CD36: variants seen among roughly 807,000 people sequenced by gnomAD.
CD36 encodes the protein platelet glycoprotein 4.
In CD36, 119 loss-of-function variants were observed where a neutral mutation model predicts 55.2. The observed-to-expected ratio is 2.15, with a 90% CI of 1.86 to 2.51. The LOEUF is 2.51. Among genes scored for constraint, CD36 ranks in the 30% most tolerant of loss-of-function variants. The probability of loss-of-function intolerance (pLI) is 0.00; values close to 1 mark genes in which losing one functional copy is unlikely to be tolerated. For missense variants in CD36, 819 were observed against 555.5 expected (o/e 1.47, Z -4.77); for synonymous variants, 186 against 193.6 (o/e 0.96, Z 0.33).
intron 1 of CD36, among the ~76,000 whole-genome samples, chr7:80,632,168 AATT>A (rs1294291491): frequency 6.6e-6 from 1 of 151,762 alleles, no homozygotes; most frequent in Non-Finnish European, 1.5e-5. Flanking sequence ...ATTCCTTTGA[AATT>A]ATTAGCAGAA....
Position 80,612,300 on chromosome 7 carries a change from A to G in CD36, c.-184+9921A>G, listed in dbSNP as rs139957195. On this transcript the variant is annotated intron_variant, in intron 1 of 13. Coordinates refer to the CD36 transcript ENST00000309881. ...CTAGCAACCTGAAAAATCACAGGAG[A>G]TCAGTCCCTGTATAAAAATGATAAT... Among the ~76,000 whole-genome samples, 1,073 of 152,346 alleles carry G rather than the reference A, an allele frequency of 7.0e-3. 19 individuals are homozygous for G. The highest frequency in any genetic ancestry group is 0.024 in the African/African-American group (1,001 of 41,582).
chr7:80,636,501 C>A (rs1794413694), upstream of CD36, among the ~76,000 whole-genome samples: 1 of 146,180 alleles, frequency 6.8e-6, no homozygotes, highest in Non-Finnish European at 1.5e-5. Context: ...AACTTACATC[C>A]TTCCAATTTC....
chr7:80,622,497 A>C (rs1387216259), intron 1 of CD36, among the ~76,000 whole-genome samples: 1 of 152,258 alleles, frequency 6.6e-6, no homozygotes, highest in Admixed American at 6.5e-5. Context: ...AAAAGAGATA[A>C]AAAGTGGACA....
At chr7:80,660,861 T>A (rs1314689373) in intron 4 of CD36, among the ~76,000 whole-genome samples, 1 of 152,200 alleles carries the variant, frequency 6.6e-6, no homozygotes, top group East Asian at 1.9e-4. Flanking sequence ...ACTATTTTAA[T>A]TTCCAGTTTG....
chr7:80,632,775 C>T (rs1794160123), intron 1 of CD36, among the ~76,000 whole-genome samples: 1 of 151,892 alleles, frequency 6.6e-6, no homozygotes, highest in Non-Finnish European at 1.5e-5. Context: ...TTTCTCTGAA[C>T]CTTCTCAAAA....
At chr7:80,647,681 A>T (rs1795275551) in intron 3 of CD36, among the ~76,000 whole-genome samples, 1 of 152,196 alleles carries the variant, frequency 6.6e-6, no homozygotes, top group South Asian at 2.1e-4. Context: ...AAATGGCTGC[A>T]GGAGTTTGGA....
intron 1 of CD36, among the ~76,000 whole-genome samples, chr7:80,603,575 G>A (rs1461427512): frequency 6.6e-6 from 1 of 152,012 alleles, no homozygotes; most frequent in Non-Finnish European, 1.5e-5. Flanking sequence ...ATCCTGACAA[G>A]AGGAAAGGAA....
intron 1 of CD36, among the ~76,000 whole-genome samples, chr7:80,618,059 T>C (rs968140687): frequency 6.6e-6 from 1 of 152,294 alleles, no homozygotes; most frequent in South Asian, 2.1e-4. Context: ...TAAATGCTTT[T>C]GGTTTTTTTT....
chr7:80,663,968 G>T (rs2116710558), intron 6 of CD36, among the ~76,000 whole-genome samples: 1 of 151,774 alleles, frequency 6.6e-6, no homozygotes, highest in East Asian at 1.9e-4. Flanking sequence ...CTCTTTCTTT[G>T]GCTAATGCTT....
At chr7:80,621,092 G>A (rs1297766408) in intron 1 of CD36, among the ~76,000 whole-genome samples, 1 of 152,132 alleles carries the variant, frequency 6.6e-6, no homozygotes, top group East Asian at 1.9e-4. Context: ...AGATCAGTCA[G>A]TAGCCATCAA....
intron 8 of CD36, among the ~76,000 whole-genome samples, chr7:80,667,302 C>T (rs761135958): frequency 4.6e-5 from 7 of 151,822 alleles, no homozygotes; most frequent in East Asian, 1.9e-4. Context: ...TGCTGGCACA[C>T]GCTTTTAGTT....
intron 1 of CD36, among the ~76,000 whole-genome samples, chr7:80,639,539 T>G (rs1021432657): frequency 6.6e-6 from 1 of 152,010 alleles, no homozygotes; most frequent in Non-Finnish European, 1.5e-5. Context: ...AAATTAATTA[T>G]ACATTAACTA....
At chr7:80,625,669 C>T (rs1299476200) in intron 1 of CD36, among the ~76,000 whole-genome samples, 20 of 152,088 alleles carry the variant, frequency 1.3e-4, no homozygotes, top group Non-Finnish European at 2.4e-4. Flanking sequence ...TAATTACCCA[C>T]GTTACCTATG....
intron 7 of CD36, 137 bp downstream of exon 7, chr7:80,664,634 G>A: frequency 1.5e-6 from 1 of 674,386 alleles, no homozygotes; most frequent in East Asian, 2.7e-5. Context: ...GGAAACTCCT[G>A]TTCTGCTAGG....
chr7:80,668,419 A>G (rs1797328790), intron 8 of CD36, among the ~76,000 whole-genome samples: 1 of 152,186 alleles, frequency 6.6e-6, no homozygotes, highest in Non-Finnish European at 1.5e-5. Context: ...AGAAAGTAAT[A>G]AAACAGTAAG....
At chr7:80,613,960 A>C (rs1226192685) in intron 1 of CD36, among the ~76,000 whole-genome samples, 1 of 152,176 alleles carries the variant, frequency 6.6e-6, no homozygotes, top group Non-Finnish European at 1.5e-5. Flanking sequence ...ATACTATCTG[A>C]AAAGTTGTTA....
intron 1 of CD36, among the ~76,000 whole-genome samples, chr7:80,624,712 C>T (rs2115955680): frequency 6.6e-6 from 1 of 152,064 alleles, no homozygotes; most frequent in African/African-American, 2.4e-5. Flanking sequence ...TCTCCTGTCT[C>T]TACCAAAAAT....
At chr7:80,662,859 A>G in intron 5 of CD36, 131 bp from the exon 6 acceptor site, 1 of 742,926 alleles carries the variant, frequency 1.3e-6, no homozygotes, top group South Asian at 1.6e-5. Flanking sequence ...GAGTTTTGGC[A>G]GGATCTGGCA....
intron 9 of CD36, chr7:80,670,753 C>G: frequency 1.9e-6 from 1 of 534,336 alleles, no homozygotes; most frequent in Non-Finnish European, 3.3e-6. Context: ...TGAGAAGTAA[C>G]TTGAGTATAA....
Sources: gnomAD v4.1 joint callset for allele counts (sites outside exome capture counted in the v4.1 genomes callset) on GRCh38, gnomAD v4.1.1 for gene constraint, MANE v1.5 for transcripts, NCBI Gene and HGNC (gene_info 2026-07-23, HGNC 2026-07-21) for gene names.